TBCEL: variants seen among roughly 807,000 people sequenced by gnomAD.
TBCEL encodes the protein tubulin folding cofactor E like.
In TBCEL, 15 loss-of-function variants were observed where a neutral mutation model predicts 44.2. That is an observed-to-expected ratio of 0.34 (90% CI 0.23 to 0.52). The LOEUF (loss-of-function observed/expected upper bound fraction) is 0.52. Among genes scored for constraint, TBCEL ranks in the 20% least tolerant of loss-of-function variants. The pLI is 0.95. For missense variants in TBCEL, 319 were observed against 506.3 expected, an observed-to-expected ratio of 0.63 and a Z score of 3.55; for synonymous variants, 171 against 185.4, an observed-to-expected ratio of 0.92 and a Z score of 0.63.
At position 121,090,672 on chromosome 11, in the gene TBCEL, T is replaced by C. The variant is rs752449160; in HGVS notation, c.*3576T>C. 2.0e-5 allele frequency: 3 copies of C among 149,726 alleles called. No individual in the cohort carries two copies. The highest frequency in any genetic ancestry group is 3.0e-5 in the Non-Finnish European group (2 of 67,530). 9.3% of individuals were successfully genotyped at this position (149,726 alleles called of 1,614,324 possible). ...GGAAATATATATACATATATATATA[T>C]ATTTTATTTAGAATATAATTTAAAC... On this transcript the variant is annotated 3_prime_UTR_variant, in exon 9 of 9. Transcript: ENST00000683345.
intron 1 of TBCEL, 68 bp downstream of exon 1, chr11:121,024,359 A>T (rs1212238059): frequency 6.6e-6 from 1 of 152,430 alleles, no homozygotes; most frequent in Non-Finnish European, 1.5e-5. Flanking sequence ...TCTGGAGCCG[A>T]GGCGCGGAGG....
intron 8 of TBCEL, among the ~76,000 whole-genome samples, chr11:121,066,381 AAG>A (rs1390872086): frequency 1.3e-5 from 2 of 152,224 alleles, no homozygotes; most frequent in Non-Finnish European, 2.9e-5. Flanking sequence ...GGAATGGAGA[AAG>A]AGAATATCTA....
At chr11:121,070,104 G>T (rs1045626754) in intron 8 of TBCEL, among the ~76,000 whole-genome samples, 1 of 152,186 alleles carries the variant, frequency 6.6e-6, no homozygotes, top group Non-Finnish European at 1.5e-5. Flanking sequence ...ATGAAAAAAT[G>T]CTCATCATCA....
In TBCEL at chr11:121,087,564, T is replaced by C. The variant is rs192223056; in HGVS notation, c.*468T>C. On this transcript the variant is annotated 3_prime_UTR_variant, in exon 9 of 9. Transcript: ENST00000683345. ...CCTTCCGCTACCCTCCCTCCTTGGC[T>C]TTTTTGGTTCAGTTCCATTTTTTTT... 1 of 154,448 alleles carries C rather than the reference T, an allele frequency of 6.5e-6. No homozygotes were observed. Among genetic ancestry groups the C allele is most frequent in the African/African-American group, 2.4e-5 (1 of 41,360 alleles). The allele number at this position is 154,448 out of a possible 1,614,324, so 9.6% of individuals were successfully genotyped here. A position where few individuals can be genotyped will look rare whatever the true frequency, so the allele number is the denominator to read the frequency against.
At chr11:121,038,115 A>G (rs371543275) in intron 2 of TBCEL, among the ~76,000 whole-genome samples, 16 of 152,004 alleles carry the variant, frequency 1.1e-4, no homozygotes, top group East Asian at 7.8e-4. Flanking sequence ...ACGTGCCACC[A>G]TACCCGGCTA....
intron 8 of TBCEL, among the ~76,000 whole-genome samples, chr11:121,081,750 A>G (rs964026317): frequency 4.6e-5 from 7 of 152,226 alleles, no homozygotes; most frequent in Non-Finnish European, 8.8e-5. Context: ...CTGCTTAAAG[A>G]TAAGTGGAAA....
At chr11:121,083,497 C>G (rs762594942) in intron 8 of TBCEL, among the ~76,000 whole-genome samples, 1 of 152,190 alleles carries the variant, frequency 6.6e-6, no homozygotes, top group African/African-American at 2.4e-5. Flanking sequence ...ACTGAGACTT[C>G]AGAGTGTCTG....
intron 1 of TBCEL, among the ~76,000 whole-genome samples, chr11:121,032,297 C>T (rs1173026686): frequency 6.6e-6 from 1 of 152,010 alleles, no homozygotes; most frequent in African/African-American, 2.4e-5. Context: ...TTTTTCTTCC[C>T]CAGGGTTGTT....
At chr11:121,071,648 C>A (rs1019063776) in intron 8 of TBCEL, among the ~76,000 whole-genome samples, 1 of 152,134 alleles carries the variant, frequency 6.6e-6, no homozygotes, top group African/African-American at 2.4e-5. Context: ...ATTAGGAATT[C>A]CTCAAATGCT....
At chr11:121,069,719 G>A (rs1945889315) in intron 8 of TBCEL, among the ~76,000 whole-genome samples, 1 of 152,118 alleles carries the variant, frequency 6.6e-6, no homozygotes, top group African/African-American at 2.4e-5. Flanking sequence ...TTGAACCTGG[G>A]AGGCAGAGGT....
chr11:121,030,791 C>T (rs934179521), intron 1 of TBCEL, among the ~76,000 whole-genome samples: 4 of 151,592 alleles, frequency 2.6e-5, no homozygotes, highest in South Asian at 2.1e-4. Flanking sequence ...CATATATGTA[C>T]GCAACCTTAA....
At chr11:121,024,599 G>A (rs1221239209) in intron 1 of TBCEL, among the ~76,000 whole-genome samples, 1 of 152,164 alleles carries the variant, frequency 6.6e-6, no homozygotes, top group Admixed American at 6.5e-5. Flanking sequence ...AGCCTGCCCG[G>A]GTTCCTGGGA....
intron 1 of TBCEL, among the ~76,000 whole-genome samples, chr11:121,029,695 G>A (rs1174763197): frequency 1.3e-5 from 2 of 152,166 alleles, no homozygotes; most frequent in Admixed American, 6.5e-5. Flanking sequence ...TTAGGAATGT[G>A]ATCCATAACA....
chr11:121,058,541 G>A, intron 7 of TBCEL, 70 bp downstream of exon 7: 1 of 1,560,840 alleles, frequency 6.4e-7, no homozygotes, highest in Non-Finnish European at 8.8e-7. Flanking sequence ...ATAATGCACT[G>A]TTTAGTGGGA....
At position 121,060,098 on chromosome 11, in the gene TBCEL, C is replaced by T. The variant is rs1430849903; in HGVS notation, c.956+13C>T. On this transcript the variant is annotated intron_variant, in intron 8 of 8. Coordinates refer to ENST00000683345, the MANE Select transcript of TBCEL (RefSeq NM_001363644.2). ...AAGTGCCATTCAGGTAAAAAATTCC[C>T]CATTGGCCAAACACTTTAGAGGGTG... The T allele has an allele frequency of 6.3e-7, 1 of 1,588,404 alleles. No individual in the cohort carries two copies. Among genetic ancestry groups the T allele is most frequent in the Non-Finnish European group, 8.6e-7 (1 of 1,158,146 alleles).
intron 8 of TBCEL, among the ~76,000 whole-genome samples, chr11:121,072,090 T>TTA (rs1945945162): frequency 6.6e-6 from 1 of 152,226 alleles, no homozygotes; most frequent in Non-Finnish European, 1.5e-5. Flanking sequence ...CTTTCCCTGT[T>TTA]GCTTACAGCC....
chr11:121,071,548 C>T (rs565763738), intron 8 of TBCEL, among the ~76,000 whole-genome samples: 5 of 152,208 alleles, frequency 3.3e-5, no homozygotes, highest in Non-Finnish European at 7.4e-5. Flanking sequence ...TTTTCTTTGC[C>T]TTTTCTTTTC....
chr11:121,086,802 T>G lies in TBCEL; in HGVS notation c.981T>G (p.Tyr327Ter), dbSNP rs1240382563. The G allele has an allele frequency of 6.2e-7, 1 of 1,613,566 alleles. No individual in the cohort carries two copies. The highest frequency in any genetic ancestry group is 8.5e-7 in the Non-Finnish European group (1 of 1,179,838). ...PFRYHELITK[Y>*]GKLEPLAEVD... ...GGTATCATGAACTGATCACTAAATATGGGAAGTTGGAGCCTTTGGCAGAAG... is the reference window on the plus strand; with the variant it reads ...GGTATCATGAACTGATCACTAAATAGGGGAAGTTGGAGCCTTTGGCAGAAG... The change falls in exon 9 of 9, where the codon TAT becomes TAG. Residue 327 changes from tyrosine to a stop codon, truncating the protein, a stop_gained. Transcript: ENST00000683345. LOFTEE classifies it high-confidence loss of function.
rs139578794 is a variant in TBCEL, at chr11:121,086,875, G to C, written c.1054G>C (p.Asp352His). ...TGCAAAAGTAGAAGTCCACTTTAAC[G>C]ATCAGGTGGAAGAAATGAGCATTCG... ...SSAKVEVHFN[D>H]QVEEMSIRLD... The change falls in exon 9 of 9, where the codon GAT becomes CAT. Residue 352 changes from aspartate (D) to histidine (H), a missense_variant. By Grantham distance (81) the Asp-to-His change is moderately conservative. Transcript: ENST00000683345. 3.3e-5 allele frequency: 54 copies of C among 1,613,906 alleles called. No homozygotes were observed. The highest frequency in any genetic ancestry group is 4.5e-5 in the Non-Finnish European group (53 of 1,179,988).
Sources: gnomAD v4.1 joint callset for allele counts (sites outside exome capture counted in the v4.1 genomes callset) on GRCh38, gnomAD v4.1.1 for gene constraint, MANE v1.5 for transcripts, NCBI Gene and HGNC (gene_info 2026-07-23, HGNC 2026-07-21) for gene names.